Variants in NCAM2 observed in about 807,000 individuals in gnomAD.
NCAM2 encodes neural cell adhesion molecule 2.
A neutral mutation model predicts 98.1 loss-of-function variants in NCAM2; 30 were observed. The observed-to-expected ratio is 0.31, with a 90% CI of 0.23 to 0.41. The LOEUF is 0.41. Among genes scored for constraint, NCAM2 ranks in the 10% least tolerant of loss-of-function variants. NCAM2 has a pLI of 1.00. For synonymous variants in NCAM2, 368 were observed against 342.4 expected, an observed-to-expected ratio of 1.07 and a Z score of -0.83; for missense variants, 867 against 1,005.8, an observed-to-expected ratio of 0.86 and a Z score of 1.87.
intron 1 of NCAM2, among the ~76,000 whole-genome samples, chr21:21,273,561 A>G (rs1197045319): frequency 6.6e-6 from 1 of 152,104 alleles, no homozygotes; most frequent in Non-Finnish European, 1.5e-5. Context: ...GAAAACTATT[A>G]TTGGGTTGGA....
At chr21:21,085,199 G>A (rs1188966901) in intron 1 of NCAM2, among the ~76,000 whole-genome samples, 1 of 125,618 alleles carries the variant, frequency 8.0e-6, no homozygotes, top group African/African-American at 3.9e-5. Flanking sequence ...TGTCTAGTTG[G>A]GGTTTTTTTT....
intron 1 of NCAM2, among the ~76,000 whole-genome samples, chr21:21,021,901 A>G (rs984504582): frequency 2.0e-5 from 3 of 152,250 alleles, no homozygotes; most frequent in African/African-American, 7.2e-5. Flanking sequence ...TTTTATACAC[A>G]GAAGTTTTAT....
chr21:21,113,796 G>A (rs1569036405), intron 1 of NCAM2, among the ~76,000 whole-genome samples: 1 of 151,498 alleles, frequency 6.6e-6, no homozygotes, highest in Non-Finnish European at 1.5e-5. Context: ...AGATTATAAG[G>A]CTTAAAGCAA....
chr21:21,208,969 A>AT (rs555893187), intron 1 of NCAM2, among the ~76,000 whole-genome samples: 5 of 151,116 alleles, frequency 3.3e-5, no homozygotes, highest in Non-Finnish European at 5.9e-5. Flanking sequence ...GAACAGGATC[A>AT]TTTTTTTTTA....
At chr21:21,169,108 G>A (rs541052833) in intron 1 of NCAM2, among the ~76,000 whole-genome samples, 5 of 152,160 alleles carry the variant, frequency 3.3e-5, no homozygotes, top group East Asian at 3.9e-4. Context: ...CAATGAAACC[G>A]AGTAGAGATT....
chr21:21,265,854 T>C (rs2072249201), intron 1 of NCAM2, among the ~76,000 whole-genome samples: 1 of 152,164 alleles, frequency 6.6e-6, no homozygotes, highest in Non-Finnish European at 1.5e-5. Flanking sequence ...ACCTCAGCAT[T>C]ACTCAACTAC....
At chr21:21,351,133 A>AG (rs1299432687) in intron 8 of NCAM2, among the ~76,000 whole-genome samples, 6 of 150,256 alleles carry the variant, frequency 4.0e-5, no homozygotes, top group East Asian at 3.9e-4. Flanking sequence ...AAAAAAAAAA[A>AG]AAAAAAAAAG....
intron 7 of NCAM2, among the ~76,000 whole-genome samples, chr21:21,336,664 A>C (rs2074879819): frequency 6.6e-6 from 1 of 152,204 alleles, no homozygotes. Flanking sequence ...CGCCCTCTGC[A>C]GACTGGCCCT....
chr21:21,215,510 G>A (rs1396251176), intron 1 of NCAM2, among the ~76,000 whole-genome samples: 1 of 152,092 alleles, frequency 6.6e-6, no homozygotes, highest in African/African-American at 2.4e-5. Flanking sequence ...CTTGAGGTCA[G>A]GTGTTCAAGA....
chr21:21,408,716 C>T (rs960155729), intron 9 of NCAM2, among the ~76,000 whole-genome samples: 5 of 151,902 alleles, frequency 3.3e-5, no homozygotes, highest in African/African-American at 1.2e-4. Flanking sequence ...GATCCCTTTT[C>T]CATAGAACAG....
At chr21:21,424,633 G>A (rs1329770347) in intron 11 of NCAM2, among the ~76,000 whole-genome samples, 1 of 152,142 alleles carries the variant, frequency 6.6e-6, no homozygotes, top group Admixed American at 6.6e-5. Context: ...CTGTTAATGA[G>A]TAAGGCATTT....
chr21:21,439,327 C>T (rs1461066186), intron 12 of NCAM2, among the ~76,000 whole-genome samples: 1 of 152,100 alleles, frequency 6.6e-6, no homozygotes, highest in East Asian at 1.9e-4. Context: ...CCATGTTGGC[C>T]AGGCTGGTCT....
intron 1 of NCAM2, among the ~76,000 whole-genome samples, chr21:21,104,937 C>G (rs2066315736): frequency 6.6e-6 from 1 of 151,984 alleles, no homozygotes; most frequent in African/African-American, 2.4e-5. Flanking sequence ...GGGAGGTTTA[C>G]AAGGAGAAAA....
intron 17 of NCAM2, among the ~76,000 whole-genome samples, chr21:21,535,783 A>G (rs1310974553): frequency 6.6e-6 from 1 of 152,116 alleles, no homozygotes; most frequent in African/African-American, 2.4e-5. Context: ...TTGGGAAAAA[A>G]GGGTAATTTA....
intron 1 of NCAM2, among the ~76,000 whole-genome samples, chr21:21,129,444 G>A (rs190023794): frequency 1.8e-4 from 28 of 152,122 alleles, no homozygotes; most frequent in African/African-American, 6.7e-4. Context: ...TTCTGTTGTA[G>A]AATATTGTCT....
At chr21:21,312,616 A>AT (rs1568921062) in intron 5 of NCAM2, among the ~76,000 whole-genome samples, 26 of 134,614 alleles carry the variant, frequency 1.9e-4, no homozygotes, top group Non-Finnish European at 3.8e-4. Flanking sequence ...TTACAGCTAG[A>AT]TTTTTTTTCT....
chr21:21,527,324 G>C (rs530297794), intron 16 of NCAM2, among the ~76,000 whole-genome samples: 2 of 152,122 alleles, frequency 1.3e-5, no homozygotes, highest in African/African-American at 4.8e-5. Flanking sequence ...TGTTAGCCAG[G>C]ATGGTCTCGA....
intron 8 of NCAM2, among the ~76,000 whole-genome samples, chr21:21,371,606 A>G (rs2075916414): frequency 6.6e-6 from 1 of 151,624 alleles, no homozygotes; most frequent in Admixed American, 6.6e-5. Context: ...TCTTCCCTCA[A>G]CACCACCCTT....
intron 1 of NCAM2, among the ~76,000 whole-genome samples, chr21:21,026,114 A>G (rs1420147469): frequency 1.3e-5 from 2 of 152,182 alleles, no homozygotes; most frequent in Non-Finnish European, 1.5e-5. Flanking sequence ...GATTTGTTCT[A>G]GAGGTGTGAT....
Sources: gnomAD v4.1 joint callset for allele counts (sites outside exome capture counted in the v4.1 genomes callset) on GRCh38, gnomAD v4.1.1 for gene constraint, MANE v1.5 for transcripts, NCBI Gene and HGNC (gene_info 2026-07-23, HGNC 2026-07-21) for gene names.